The following TTC27 variants were observed in gnomAD, a reference collection of about 807,000 sequenced individuals.
TTC27 encodes the protein tetratricopeptide repeat domain 27.
A neutral mutation model predicts 115.9 loss-of-function variants in TTC27; 79 were observed. That is an observed-to-expected ratio of 0.68 (90% CI 0.57 to 0.82). The LOEUF (loss-of-function observed/expected upper bound fraction) is 0.82, where lower values mean the gene tolerates loss of function less well. Ranked by LOEUF, TTC27 falls within the 40% of genes least tolerant of loss-of-function variation. The pLI is 0.00. For synonymous variants in TTC27, 401 were observed against 356.0 expected, an observed-to-expected ratio of 1.13 and a Z score of -1.42; for missense variants, 1,054 against 993.1, an observed-to-expected ratio of 1.06 and a Z score of -0.82.
At chr2:32,764,931 T>C (rs1238414860) in intron 13 of TTC27, among the ~76,000 whole-genome samples, 1 of 152,238 alleles carries the variant, frequency 6.6e-6, no homozygotes, top group Non-Finnish European at 1.5e-5. Flanking sequence ...CTTCTAATTA[T>C]AGTTCTGTAT....
At chr2:32,735,646 A>C (rs1419272901) in intron 11 of TTC27, among the ~76,000 whole-genome samples, 1 of 146,500 alleles carries the variant, frequency 6.8e-6, no homozygotes. Context: ...ATAAAAAGAG[A>C]ATTAGTCTCT....
At chr2:32,673,523 G>A (rs889622879) in intron 8 of TTC27, among the ~76,000 whole-genome samples, 1 of 151,716 alleles carries the variant, frequency 6.6e-6, no homozygotes, top group Admixed American at 6.6e-5. Flanking sequence ...CACCACACCC[G>A]GCCACCTTAT....
intron 4 of TTC27, among the ~76,000 whole-genome samples, chr2:32,645,183 C>G (rs1664808810): frequency 6.6e-6 from 1 of 152,194 alleles, no homozygotes; most frequent in East Asian, 1.9e-4. Context: ...ATAGAAGAAG[C>G]AGATTTTCCC....
At chr2:32,718,898 C>A (rs79843617) in intron 10 of TTC27, among the ~76,000 whole-genome samples, 2,371 of 152,304 alleles carry the variant, frequency 0.016, 58 homozygotes, top group African/African-American at 0.055. Context: ...AGCCTCACAC[C>A]TCCTGTTGCT....
rs1296988706 is a variant in TTC27 at position 32,674,154 on chromosome 2, CT to C, written c.1052+1784del. Among the ~76,000 whole-genome samples, 1,328 of 142,226 alleles carry C rather than the reference CT, an allele frequency of 9.3e-3. 4 individuals are homozygous for C. Among genetic ancestry groups the C allele is most frequent in the African/African-American group, 0.022 (876 of 39,208 alleles). The allele number at this position is 142,226 out of a possible 152,430, so 93.3% of individuals were successfully genotyped here. On this transcript the variant is annotated intron_variant, in intron 8 of 19. Transcript: ENST00000317907. Reference sequence around the variant, plus strand: ...AGGGAACATTTGAAAAAATCTTGTTCTTTTTTTTTTTTTTGAGACAGAGTCT... The same window carrying C: ...AGGGAACATTTGAAAAAATCTTGTTCTTTTTTTTTTTTTGAGACAGAGTCT...
chr2:32,813,205 A>T (rs1333640186), intron 18 of TTC27, among the ~76,000 whole-genome samples: 1 of 151,706 alleles, frequency 6.6e-6, no homozygotes, highest in East Asian at 1.9e-4. Context: ...TTTTATATTT[A>T]TATTTGAATA....
chr2:32,661,824 G>A (rs1665559434), intron 5 of TTC27, among the ~76,000 whole-genome samples: 1 of 152,174 alleles, frequency 6.6e-6, no homozygotes, highest in Admixed American at 6.5e-5. Context: ...AATGGTGAGG[G>A]AGGGCATCCT....
intron 19 of TTC27, among the ~76,000 whole-genome samples, chr2:32,819,864 T>C (rs937753423): frequency 2.0e-5 from 3 of 152,246 alleles, no homozygotes; most frequent in African/African-American, 2.4e-5. Flanking sequence ...AGTTTCTCCG[T>C]GCTTCCTCCT....
chr2:32,691,023 G>T (rs1666791163), intron 9 of TTC27, among the ~76,000 whole-genome samples: 1 of 152,190 alleles, frequency 6.6e-6, no homozygotes, highest in Admixed American at 6.5e-5. Flanking sequence ...CTATCTGAAA[G>T]CGCCTTCAGT....
chr2:32,795,584 G>T (rs1045899814), intron 16 of TTC27, among the ~76,000 whole-genome samples: 1 of 149,710 alleles, frequency 6.7e-6, no homozygotes, highest in Non-Finnish European at 1.5e-5. Flanking sequence ...ACAAAGTGTT[G>T]CTCTGTTGCC....
intron 8 of TTC27, among the ~76,000 whole-genome samples, chr2:32,678,629 T>C (rs972950621): frequency 5.9e-5 from 9 of 151,892 alleles, no homozygotes; most frequent in African/African-American, 7.2e-5. Flanking sequence ...GGGTTTCACC[T>C]TGTTAGCCAG....
chr2:32,645,375 A>G (rs1432981188), intron 4 of TTC27, among the ~76,000 whole-genome samples: 1 of 152,200 alleles, frequency 6.6e-6, no homozygotes, highest in Admixed American at 6.5e-5. Context: ...TCTTGTGAGT[A>G]TACTACTGCT....
intron 7 of TTC27, among the ~76,000 whole-genome samples, chr2:32,669,286 C>G (rs1371322536): frequency 6.6e-6 from 1 of 152,118 alleles, no homozygotes; most frequent in Non-Finnish European, 1.5e-5. Context: ...AGCCACTGCA[C>G]CGGCCAGAAT....
At chr2:32,783,124 T>C (rs1210962072) in intron 15 of TTC27, among the ~76,000 whole-genome samples, 2 of 152,176 alleles carry the variant, frequency 1.3e-5, no homozygotes, top group Admixed American at 6.5e-5. Flanking sequence ...ATTTAAAAAA[T>C]TGATTAGTAT....
At chr2:32,678,130 C>A (rs1275118882) in intron 8 of TTC27, among the ~76,000 whole-genome samples, 2 of 151,788 alleles carry the variant, frequency 1.3e-5, no homozygotes, top group African/African-American at 4.8e-5. Context: ...TGGCGTACGC[C>A]TGTAGTCCCA....
At chr2:32,702,964 A>G (rs1667241068) in intron 10 of TTC27, 44 bp downstream of exon 10, 3 of 1,337,242 alleles carry the variant, frequency 2.2e-6, no homozygotes, top group African/African-American at 1.4e-5. Context: ...CCAACTCTCT[A>G]TTGCTATCAG....
At chr2:32,629,465 C>T (rs1444677889) in intron 1 of TTC27, among the ~76,000 whole-genome samples, 2 of 150,458 alleles carry the variant, frequency 1.3e-5, no homozygotes, top group African/African-American at 2.5e-5. Flanking sequence ...GACAGAGTCT[C>T]GCTCTGTCGC....
At chr2:32,649,349 C>T (rs72787538) in intron 4 of TTC27, among the ~76,000 whole-genome samples, 16 of 151,792 alleles carry the variant, frequency 1.1e-4, no homozygotes, top group South Asian at 2.1e-4. Flanking sequence ...GGGTAGTAGA[C>T]GGTGAACAAC....
chr2:32,817,687 C>T lies in TTC27; in HGVS notation c.2409+130C>T, dbSNP rs985192105. 6.3e-6 allele frequency: 5 copies of T among 791,784 alleles called. No individual in the cohort carries two copies. The Admixed American group carries it at 6.5e-5, about 10-fold the overall frequency. The allele number at this position is 791,784 out of a possible 1,614,324, so 49.0% of individuals were successfully genotyped here. ...GCATGTTTTATTTAATATAGCAGCCCCCTCATGGTTGGTTGTGTTGTGAGG... is the reference window on the plus strand; with the variant it reads ...GCATGTTTTATTTAATATAGCAGCCTCCTCATGGTTGGTTGTGTTGTGAGG... On this transcript the variant is annotated intron_variant, in intron 19 of 19. Transcript: ENST00000317907.
Sources: allele counts gnomAD v4.1 joint callset (sites outside exome capture counted in the v4.1 genomes callset), GRCh38; gene constraint gnomAD v4.1.1; transcripts MANE v1.5; gene names NCBI Gene and HGNC (gene_info 2026-07-23, HGNC 2026-07-21).